SLC9A1: variants seen among roughly 807,000 people sequenced by gnomAD.
SLC9A1 encodes the protein sodium/hydrogen exchanger 1.
SLC9A1 carries 22 observed loss-of-function variants against 67.9 expected under a neutral mutation model. The observed-to-expected ratio is 0.32, with a 90% CI of 0.23 to 0.46. The LOEUF (loss-of-function observed/expected upper bound fraction) is 0.46, where lower values mean the gene tolerates loss of function less well. SLC9A1 is among the 20% of genes least tolerant of loss of function. The pLI, the probability that SLC9A1 is intolerant of heterozygous loss-of-function variation, is 1.00. For missense variants in SLC9A1, 686 were observed against 1,094.8 expected (o/e 0.63, Z 5.27); for synonymous variants, 421 against 471.8 (o/e 0.89, Z 1.40).
intron 1 of SLC9A1, among the ~76,000 whole-genome samples, chr1:27,125,475 G>A (rs774950395): frequency 6.6e-6 from 1 of 151,842 alleles, no homozygotes; most frequent in Non-Finnish European, 1.5e-5. Context: ...CGAACCCCTG[G>A]CCTCAAGTGA....
chr1:27,121,485 C>T (rs115143959), intron 1 of SLC9A1, among the ~76,000 whole-genome samples: 2,661 of 152,252 alleles, frequency 0.017, 82 homozygotes, highest in African/African-American at 0.061. Context: ...GCACCTTGTG[C>T]ACTGAAACGA....
At chr1:27,130,927 A>AGGTT (rs1251458286) in intron 1 of SLC9A1, among the ~76,000 whole-genome samples, 1 of 152,196 alleles carries the variant, frequency 6.6e-6, no homozygotes, top group Non-Finnish European at 1.5e-5. Context: ...GCAGGCTGAG[A>AGGTT]GGTTGCCTGC....
At chr1:27,141,894 T>A (rs1272277415) in intron 1 of SLC9A1, among the ~76,000 whole-genome samples, 1 of 152,206 alleles carries the variant, frequency 6.6e-6, no homozygotes, top group Non-Finnish European at 1.5e-5. Flanking sequence ...CCTGGCTTGA[T>A]GGCAAAGATG....
chr1:27,129,569 A>C (rs1383363203), intron 1 of SLC9A1, among the ~76,000 whole-genome samples: 1 of 152,208 alleles, frequency 6.6e-6, no homozygotes, highest in Non-Finnish European at 1.5e-5. Flanking sequence ...GGCAGCAAGA[A>C]GTCAGAGATT....
chr1:27,124,845 C>A, intron 1 of SLC9A1, among the ~76,000 whole-genome samples: 1 of 152,046 alleles, frequency 6.6e-6, no homozygotes, highest in Non-Finnish European at 1.5e-5. Context: ...GGGACAGAGC[C>A]TGGAGTAGGG....
chr1:27,103,432 C>T, intron 5 of SLC9A1, 120 bp from the exon 6 acceptor site: 1 of 767,034 alleles, frequency 1.3e-6, no homozygotes, highest in Non-Finnish European at 2.4e-6. Context: ...CTGCTCTCTC[C>T]CAGGACCCAA....
In SLC9A1 at chr1:27,114,377, T is replaced by C; in HGVS notation, c.353-91A>G. ...GATGGGCCGGGGATGAGGAGCGCAG[T>C]TGGTGAGAGGTGCACAGGCTGGGTC... On this transcript the variant is annotated intron_variant, in intron 1 of 11. Coordinates refer to ENST00000263980, the MANE Select transcript of SLC9A1 (RefSeq NM_003047.5). This position sits in a 1 kb window ranked among gnomAD's most constrained non-coding sequence, Gnocchi z 5.4. 2.9e-6 allele frequency: 3 copies of C among 1,023,658 alleles called. No homozygotes were observed. The highest frequency in any genetic ancestry group is 4.3e-6 in the Non-Finnish European group (3 of 691,636). 63.4% of individuals were successfully genotyped at this position (1,023,658 alleles called of 1,614,324 possible). A position where few individuals can be genotyped will look rare whatever the true frequency, so the allele number is the denominator to read the frequency against.
intron 1 of SLC9A1, among the ~76,000 whole-genome samples, chr1:27,128,655 TTTAAAA>T (rs1383642877): frequency 7.1e-6 from 1 of 140,642 alleles, no homozygotes; most frequent in Non-Finnish European, 1.5e-5. Flanking sequence ...AGACCCTGTC[TTTAAAA>T]AAAAAAAAAA....
In SLC9A1 at chr1:27,107,651, G is replaced by A. The variant is rs1343745881; in HGVS notation, c.1279C>T (p.Leu427=). 1 of 1,512,174 alleles carries A rather than the reference G, an allele frequency of 6.6e-7. No individual in the cohort carries two copies. Among genetic ancestry groups the A allele is most frequent in the Middle Eastern group, 1.8e-4 (1 of 5,626 alleles). 93.7% of individuals were successfully genotyped at this position (1,512,174 alleles called of 1,614,324 possible). The change falls in exon 4 of 12, where the codon CTG becomes TTG. Residue 427 remains leucine, a synonymous_variant. Transcript: ENST00000263980. ...CCGCCCCAGCCCTGGCCCTCACCCA[G>A]CACGCGGGCGATGAGGCAGAAGAGC... is the stretch of plus-strand genomic sequence containing the variant. ...TLLFCLIARV[L]GVLGLTWFIN...
rs1162297216 is a variant in SLC9A1 at position 27,102,568 on chromosome 1, G to A, written c.1647-10C>T. ...ATTAAACCGGTTGAGCCTGGTGGGA[G>A]GAGGAGGGAGACGGATGGCGCCAGC... On this transcript the variant is annotated splice_polypyrimidine_tract_variant and intron_variant, in intron 7 of 11. Coordinates refer to ENST00000263980, the MANE Select transcript of SLC9A1 (RefSeq NM_003047.5). 2 of 1,608,800 alleles carry A rather than the reference G, an allele frequency of 1.2e-6. No individual in the cohort carries two copies. The highest frequency in any genetic ancestry group is 1.7e-6 in the Non-Finnish European group (2 of 1,176,530).
In SLC9A1 at chr1:27,102,075, C is replaced by T. The variant is rs1254940454; in HGVS notation, c.1876G>A (p.Asp626Asn). 2 of 1,614,108 alleles carry T rather than the reference C, an allele frequency of 1.2e-6. No homozygotes were observed. Among genetic ancestry groups the T allele is most frequent in the Non-Finnish European group, 1.7e-6 (2 of 1,180,014 alleles). ...SERILPALSK[D>N]KEEEIRKILR... ...ATTTTGCGGATCTCCTCCTCCTTGT[C>T]CTTGGACAGTGCTGGCAGGATGCGC... The change falls in exon 9 of 12, where the codon GAC (aspartate) becomes AAC (asparagine). Residue 626 changes from aspartate to asparagine, a missense_variant. Physicochemically the swap from Asp to Asn is conservative, Grantham distance 23. Transcript: ENST00000263980.
At chr1:27,122,791 C>T (rs2083312974) in intron 1 of SLC9A1, among the ~76,000 whole-genome samples, 1 of 152,232 alleles carries the variant, frequency 6.6e-6, no homozygotes, top group African/African-American at 2.4e-5. Flanking sequence ...GATTGCCCCT[C>T]CCCCTGCAGG....
At chr1:27,144,923 T>C (rs2083475571) in intron 1 of SLC9A1, among the ~76,000 whole-genome samples, 1 of 151,844 alleles carries the variant, frequency 6.6e-6, no homozygotes, top group African/African-American at 2.4e-5. Flanking sequence ...GGCAGGAGAA[T>C]TGCTTGAACC....
At chr1:27,146,253 G>A (rs578205520) in intron 1 of SLC9A1, among the ~76,000 whole-genome samples, 3 of 152,236 alleles carry the variant, frequency 2.0e-5, no homozygotes, top group Admixed American at 2.0e-4. Flanking sequence ...TGTATGGGCT[G>A]GCATTCCCAG....
Position 27,114,102 on chromosome 1 carries a change from C to G in SLC9A1, c.537G>C (p.Leu179=). The G allele has an allele frequency of 6.2e-7, 1 of 1,614,166 alleles. No homozygotes were observed. Among genetic ancestry groups the G allele is most frequent in the East Asian group, 2.2e-5 (1 of 44,886 alleles). ...IILDAGYFLP[L]RQFTENLGTI... is the part of the protein sequence containing the mutation. ...TGCCCAGGTTTTCTGTGAACTGCCG[C>G]AGTGGCAGGAAGTAGCCCGCATCCA... The change falls in exon 2 of 12, where the codon CTG becomes CTC. Residue 179 remains leucine, a synonymous_variant. Transcript: ENST00000263980. This position sits in a 1 kb window ranked among gnomAD's most constrained non-coding sequence, Gnocchi z 5.4.
chr1:27,120,709 G>A (rs1230141670), intron 1 of SLC9A1, among the ~76,000 whole-genome samples: 8 of 151,958 alleles, frequency 5.3e-5, no homozygotes, highest in Non-Finnish European at 7.4e-5. Context: ...TGGCACTCCA[G>A]CCTGGGCAAT....
At chr1:27,134,736 C>T (rs1441943029) in intron 1 of SLC9A1, among the ~76,000 whole-genome samples, 1 of 152,210 alleles carries the variant, frequency 6.6e-6, no homozygotes, top group Non-Finnish European at 1.5e-5. Flanking sequence ...AGAGTACAGA[C>T]AGCACGATTT....
In SLC9A1 at chr1:27,105,964, A is replaced by C; in HGVS notation, c.1406T>G (p.Leu469Arg). 6.2e-7 allele frequency: 1 copy of C among 1,613,720 alleles called. No homozygotes were observed. The highest frequency in any genetic ancestry group is 8.5e-7 in the Non-Finnish European group (1 of 1,179,998). The change falls in exon 5 of 12, where the codon CTG (leucine) becomes CGG (arginine). Residue 469 changes from leucine to arginine, a missense_variant. Physicochemically the swap from Leu to Arg is moderately radical, Grantham distance 102. This residue lies in a region of SLC9A1 where 168 missense variants were observed against 375.4 expected (regional missense o/e 0.45). Transcript: ENST00000263980. ...GAIAFSLGYL[L>R]DKKHFPMCDL... ...ACACATGGGGAAGTGCTTCTTGTCCAGGAGGTAGCCCAGAGAGAAGGCGAT... is the reference window on the plus strand; with the variant it reads ...ACACATGGGGAAGTGCTTCTTGTCCCGGAGGTAGCCCAGAGAGAAGGCGAT...
At chr1:27,105,837 C>G in intron 5 of SLC9A1, 48 bp downstream of exon 5, 1 of 1,489,330 alleles carries the variant, frequency 6.7e-7, no homozygotes, top group Non-Finnish European at 9.4e-7. Context: ...ACGGGAACAG[C>G]CTGTGAGGGT....
Sources: allele counts gnomAD v4.1 joint callset (sites outside exome capture counted in the v4.1 genomes callset), GRCh38; gene constraint gnomAD v4.1.1; regional missense constraint gnomAD v4.1.1; non-coding constraint Gnocchi (gnomAD v3.1); transcripts MANE v1.5; gene names NCBI Gene and HGNC (gene_info 2026-07-23, HGNC 2026-07-21).